Variants in LRTM2 observed in about 807,000 individuals in gnomAD.
LRTM2 encodes leucine rich repeat transmembrane protein 2, also known as leucine-rich repeat and transmembrane domain-containing protein 2.
A neutral mutation model predicts 28.1 loss-of-function variants in LRTM2; 18 were observed. That is an observed-to-expected ratio of 0.64 (90% CI 0.44 to 0.95). LRTM2 has a LOEUF of 0.95. Among genes scored for constraint, LRTM2 ranks in the 40% least tolerant of loss-of-function variants. LRTM2 has a pLI of 0.00. For missense variants in LRTM2, 436 were observed against 497.2 expected, an observed-to-expected ratio of 0.88 and a Z score of 1.17; for synonymous variants, 250 against 218.7, an observed-to-expected ratio of 1.14 and a Z score of -1.26.
intron 2 of LRTM2, chr12:1,827,851 T>C: frequency 2.8e-6 from 1 of 360,006 alleles, no homozygotes; most frequent in Non-Finnish European, 5.0e-6. Flanking sequence ...TTTGCGGCAC[T>C]GTGCCCGACC....
Position 1,830,868 on chromosome 12 carries a change from G to A in LRTM2, c.68-67G>A, listed in dbSNP as rs75899502. 2,162 of 1,321,342 alleles carry A rather than the reference G, an allele frequency of 1.6e-3. 29 individuals carry two copies. The highest frequency in any genetic ancestry group is 0.016 in the East Asian group (634 of 39,942). 81.9% of individuals were successfully genotyped at this position (1,321,342 alleles called of 1,614,324 possible). A position where few individuals can be genotyped will look rare whatever the true frequency, so the allele number is the denominator to read the frequency against. On this transcript the variant is annotated intron_variant, in intron 3 of 4. Coordinates refer to ENST00000299194, the MANE Select transcript of LRTM2 (RefSeq NM_001039029.3). ...GAGCCTGTTATGAGCTAGAAAGGAG[G>A]GAAGAGAAGCAGGAGGTGGTGACCC...
rs552120096 is a variant in LRTM2 at position 1,833,866 on chromosome 12, G to C, written c.659-401G>C. 6.6e-6 allele frequency among the ~76,000 whole-genome samples: 1 copy of C among 152,334 alleles called. No homozygotes were observed. The highest frequency in any genetic ancestry group is 2.1e-4 in the South Asian group (1 of 4,828). On this transcript the variant is annotated intron_variant, in intron 4 of 4. Transcript: ENST00000299194. The surrounding 1 kb of genome is among the most constrained non-coding windows in gnomAD (Gnocchi z 4.2). ...ATGAGCAGGCAGATTCGGGGGCAGA[G>C]AGTGTGGCAGGGACGCTCAGCTCTC... is the stretch of plus-strand genomic sequence containing the variant.
At position 1,828,004 on chromosome 12, in the gene LRTM2, C is replaced by A. The variant is rs1592685356; in HGVS notation, c.-73-72C>A. ...TGAGGAGTGTAAAGAGACACCCGGG[C>A]CCTCTCCCTAACCCCTGGGCTGGAA... is the stretch of plus-strand genomic sequence containing the variant. On this transcript the variant is annotated intron_variant, in intron 2 of 4. Transcript: ENST00000299194. This position sits in a 1 kb window ranked among gnomAD's most constrained non-coding sequence, Gnocchi z 4.2. The A allele has an allele frequency of 1.7e-6, 1 of 574,654 alleles. No individual in the cohort carries two copies. The allele number at this position is 574,654 out of a possible 1,614,324, so 35.6% of individuals were successfully genotyped here.
rs894965901 is a variant in LRTM2 at position 1,829,286 on chromosome 12, T to C, written c.67+1071T>C. On this transcript the variant is annotated intron_variant, in intron 3 of 4. Transcript: ENST00000299194. This position sits in a 1 kb window ranked among gnomAD's most constrained non-coding sequence, Gnocchi z 4.2. ...TCCTTTTGAGAGGGAGCTGAATGCG[T>C]TGGATTTTATTTCCTGGGGAAAGTC... Among the ~76,000 whole-genome samples the C allele has an allele frequency of 2.0e-5, 3 of 152,064 alleles. No individual in the cohort carries two copies. Among genetic ancestry groups the C allele is most frequent in the African/African-American group, 7.2e-5 (3 of 41,384 alleles).
chr12:1,826,271 C>A (rs889586918), intron 1 of LRTM2, among the ~76,000 whole-genome samples: 1 of 152,166 alleles, frequency 6.6e-6, no homozygotes, highest in African/African-American at 2.4e-5. Flanking sequence ...CTCTTCCCTT[C>A]ACTAGATTGA....
At chr12:1,826,405 C>G (rs112547985) in intron 1 of LRTM2, among the ~76,000 whole-genome samples, 6 of 39,780 alleles carry the variant, frequency 1.5e-4, no homozygotes, top group Admixed American at 4.2e-4. Flanking sequence ...CCAGAGCCCC[C>G]CCCCCCCCCC....
chr12:1,825,666 G>T (rs1294642716), intron 1 of LRTM2, among the ~76,000 whole-genome samples: 1 of 152,234 alleles, frequency 6.6e-6, no homozygotes, highest in Non-Finnish European at 1.5e-5. Context: ...CTCTCTGTGG[G>T]TGTGTGTTTG....
chr12:1,824,198 T>C (rs1864224148), intron 1 of LRTM2, among the ~76,000 whole-genome samples: 1 of 152,156 alleles, frequency 6.6e-6, no homozygotes, highest in African/African-American at 2.4e-5. Context: ...TCGGTGGCCG[T>C]TTGCCCTGCT....
At position 1,828,137 on chromosome 12, in the gene LRTM2, G is replaced by A. The variant is rs373797746; in HGVS notation, c.-12G>A. On this transcript the variant is annotated 5_prime_UTR_variant, in exon 3 of 5. The change creates a new upstream start codon in the 5' untranslated region. Transcript: ENST00000299194. This position sits in a 1 kb window ranked among gnomAD's most constrained non-coding sequence, Gnocchi z 4.2. ...CCAGAGCGACAGGGCCCGGAGAGCC[G>A]TGGGCCTCACCATGCTGGCGCCGGG... The A allele has an allele frequency of 6.8e-5, 105 of 1,534,404 alleles. No homozygotes were observed. The African/African-American group carries it at 1.0e-3, about 15-fold the overall frequency.
At position 1,828,414 on chromosome 12, in the gene LRTM2, C is replaced by T. The variant is rs1440111674; in HGVS notation, c.67+199C>T. 6.6e-6 allele frequency among the ~76,000 whole-genome samples: 1 copy of T among 152,218 alleles called. No homozygotes were observed. Among genetic ancestry groups the T allele is most frequent in the East Asian group, 1.9e-4 (1 of 5,202 alleles). On this transcript the variant is annotated intron_variant, in intron 3 of 4. Transcript: ENST00000299194. This position sits in a 1 kb window ranked among gnomAD's most constrained non-coding sequence, Gnocchi z 4.2. ...ACAGCATCCCTGCCAGTCAGAGTCA[C>T]CGCTGAGTGCTGAGTGGTTAGACCT...
In LRTM2 at chr12:1,828,311, G is replaced by A. The variant is rs978483851; in HGVS notation, c.67+96G>A. 8.3e-5 allele frequency: 92 copies of A among 1,111,150 alleles called. No individual in the cohort carries two copies. The highest frequency in any genetic ancestry group is 1.1e-4 in the Non-Finnish European group (89 of 798,672). 68.8% of individuals were successfully genotyped at this position (1,111,150 alleles called of 1,614,324 possible). A position where few individuals can be genotyped will look rare whatever the true frequency, so the allele number is the denominator to read the frequency against. ...CATATGGGACCTTAGCCACACTCAG[G>A]CTGCAGGGAGGCCTACGCCAGATCT... On this transcript the variant is annotated intron_variant, in intron 3 of 4. Coordinates refer to ENST00000299194, the MANE Select transcript of LRTM2 (RefSeq NM_001039029.3). The surrounding 1 kb of genome is among the most constrained non-coding windows in gnomAD (Gnocchi z 4.2).
Position 1,829,845 on chromosome 12 carries a change from G to C in LRTM2, c.68-1090G>C, listed in dbSNP as rs1864540389. Among the ~76,000 whole-genome samples, 1 of 151,990 alleles carries C rather than the reference G, an allele frequency of 6.6e-6. No individual in the cohort carries two copies. Among genetic ancestry groups the C allele is most frequent in the Non-Finnish European group, 1.5e-5 (1 of 67,982 alleles). ...GACCTCGGCTGGGCTGACCTGGTGG[G>C]GCTGAACTATTTTGAATTCTTCCCA... On this transcript the variant is annotated intron_variant, in intron 3 of 4. Coordinates refer to ENST00000299194, the MANE Select transcript of LRTM2 (RefSeq NM_001039029.3). The surrounding 1 kb of genome is among the most constrained non-coding windows in gnomAD (Gnocchi z 4.2).
Position 1,834,943 on chromosome 12 carries a change from T to C in LRTM2, c.*222T>C, listed in dbSNP as rs1049896733. On this transcript the variant is annotated 3_prime_UTR_variant, in exon 5 of 5. Transcript: ENST00000299194. The surrounding 1 kb of genome is among the most constrained non-coding windows in gnomAD (Gnocchi z 7.6). ...CTGCTGATGCTCCTGTCTGGGCCAG[T>C]AAATCTTTGGAACATGTGGGGGATC... 1.3e-6 allele frequency: 1 copy of C among 799,296 alleles called. No homozygotes were observed. Among genetic ancestry groups the C allele is most frequent in the Non-Finnish European group, 1.9e-6 (1 of 531,520 alleles). The allele number at this position is 799,296 out of a possible 1,614,324, so 49.5% of individuals were successfully genotyped here. A position where few individuals can be genotyped will look rare whatever the true frequency, so the allele number is the denominator to read the frequency against.
At chr12:1,827,997 ACCCGGGCCCTCTCCCTAAC>A (rs1864425998) in intron 2 of LRTM2, 60 bp from the exon 3 acceptor site, 2 of 542,586 alleles carry the variant, frequency 3.7e-6, no homozygotes, top group Admixed American at 3.7e-5. Context: ...GTAAAGAGAC[ACCCGGGCCCTCTCCCTAAC>A]CCCTGGGCTG....
rs558246457 is a variant in LRTM2 at position 1,828,454 on chromosome 12, C to T, written c.67+239C>T. On this transcript the variant is annotated intron_variant, in intron 3 of 4. Transcript: ENST00000299194. The surrounding 1 kb of genome is among the most constrained non-coding windows in gnomAD (Gnocchi z 4.2). ...TGGTTAGACCTGGAGCTGGAGGCCA[C>T]GACAGTTGTTCTACCTCCCCCAGGT... Among the ~76,000 whole-genome samples, 24 of 152,340 alleles carry T rather than the reference C, an allele frequency of 1.6e-4. No homozygotes were observed. Among genetic ancestry groups the T allele is most frequent in the Admixed American group, 2.6e-4 (4 of 15,308 alleles).
At position 1,828,288 on chromosome 12, in the gene LRTM2, T is replaced by C; in HGVS notation, c.67+73T>C. 1.5e-6 allele frequency: 2 copies of C among 1,300,224 alleles called. No individual in the cohort carries two copies. The highest frequency in any genetic ancestry group is 2.7e-5 in the East Asian group (1 of 37,050). 80.5% of individuals were successfully genotyped at this position (1,300,224 alleles called of 1,614,324 possible). Reference sequence around the variant, plus strand: ...GCCGAGGTGACTGTAGGTAGCGCCATATGGGACCTTAGCCACACTCAGGCT... The same window carrying C: ...GCCGAGGTGACTGTAGGTAGCGCCACATGGGACCTTAGCCACACTCAGGCT... On this transcript the variant is annotated intron_variant, in intron 3 of 4. Coordinates refer to ENST00000299194, the MANE Select transcript of LRTM2 (RefSeq NM_001039029.3). This position sits in a 1 kb window ranked among gnomAD's most constrained non-coding sequence, Gnocchi z 4.2.
chr12:1,828,105 T>C lies in LRTM2; in HGVS notation c.-44T>C. ...GACAGGCGGCGCACCCAGGGGCTCC[T>C]CTCTCCCCAGAGCGACAGGGCCCGG... On this transcript the variant is annotated 5_prime_UTR_variant, in exon 3 of 5. Transcript: ENST00000299194. The surrounding 1 kb of genome is among the most constrained non-coding windows in gnomAD (Gnocchi z 4.2). The C allele has an allele frequency of 2.7e-6, 4 of 1,483,362 alleles. No homozygotes were observed. Among genetic ancestry groups the C allele is most frequent in the East Asian group, 2.5e-5 (1 of 39,322 alleles). The allele number at this position is 1,483,362 out of a possible 1,614,324, so 91.9% of individuals were successfully genotyped here.
rs1386125326 is a variant in LRTM2, at chr12:1,829,266, T to C, written c.67+1051T>C. ...GCGGCTTCTGGTGATGCAGATCCTT[T>C]TGAGAGGGAGCTGAATGCGTTGGAT... On this transcript the variant is annotated intron_variant, in intron 3 of 4. Transcript: ENST00000299194. This position sits in a 1 kb window ranked among gnomAD's most constrained non-coding sequence, Gnocchi z 4.2. Among the ~76,000 whole-genome samples the C allele has an allele frequency of 2.0e-5, 3 of 152,096 alleles. No homozygotes were observed. The highest frequency in any genetic ancestry group is 7.2e-5 in the African/African-American group (3 of 41,402).
In LRTM2 at chr12:1,827,573, C is replaced by G. The variant is rs901525671; in HGVS notation, c.-95C>G. ...GCGGCTGCAGCTGCCAAGGGCCTGG[C>G]CCCTGCCTCCCTCGGGCCATGGTGA... On this transcript the variant is annotated 5_prime_UTR_variant, in exon 2 of 5. Coordinates refer to ENST00000299194, the MANE Select transcript of LRTM2 (RefSeq NM_001039029.3). The G allele has an allele frequency of 6.5e-6, 1 of 153,082 alleles. No individual in the cohort carries two copies. Among genetic ancestry groups the G allele is most frequent in the African/African-American group, 2.4e-5 (1 of 41,474 alleles). 9.5% of individuals were successfully genotyped at this position (153,082 alleles called of 1,614,324 possible).
Sources: allele counts gnomAD v4.1 joint callset (sites outside exome capture counted in the v4.1 genomes callset), GRCh38; gene constraint gnomAD v4.1.1; non-coding constraint Gnocchi (gnomAD v3.1); transcripts MANE v1.5; gene names NCBI Gene and HGNC (gene_info 2026-07-23, HGNC 2026-07-21).